PRKG1: variants seen among roughly 807,000 people sequenced by gnomAD.
PRKG1 encodes cGMP-dependent protein kinase 1.
In PRKG1, 35 loss-of-function variants were observed where a neutral mutation model predicts 88.1. That is an observed-to-expected ratio of 0.40 (90% CI 0.30 to 0.53). The LOEUF (loss-of-function observed/expected upper bound fraction) is 0.53. Among genes scored for constraint, PRKG1 ranks in the 20% least tolerant of loss-of-function variants. The probability of loss-of-function intolerance (pLI) is 0.59; values close to 1 mark genes in which losing one functional copy is unlikely to be tolerated. For synonymous variants in PRKG1, 303 were observed against 292.5 expected (o/e 1.04, Z -0.37); for missense variants, 540 against 839.8 (o/e 0.64, Z 4.41).
chr10:51,239,263 A>G (rs770853449), intron 2 of PRKG1, among the ~76,000 whole-genome samples: 14 of 152,234 alleles, frequency 9.2e-5, no homozygotes, highest in Non-Finnish European at 2.1e-4. Flanking sequence ...GTATTGGAAC[A>G]TACGAAAACA....
intron 2 of PRKG1, among the ~76,000 whole-genome samples, chr10:51,256,878 C>A (rs1208216572): frequency 6.6e-6 from 1 of 151,196 alleles, no homozygotes; most frequent in African/African-American, 2.4e-5. Context: ...AGGATTTTGA[C>A]ATAAAAAAAT....
intron 8 of PRKG1, among the ~76,000 whole-genome samples, chr10:52,161,302 T>A (rs2132687485): frequency 6.6e-6 from 1 of 152,164 alleles, no homozygotes; most frequent in South Asian, 2.1e-4. Flanking sequence ...ATGCTAAAGT[T>A]GATTTTTCAC....
chr10:52,279,069 A>T (rs925219358), intron 12 of PRKG1, among the ~76,000 whole-genome samples: 4 of 152,144 alleles, frequency 2.6e-5, no homozygotes, highest in African/African-American at 9.7e-5. Context: ...ATATACACAG[A>T]TGCTTACTCT....
At chr10:52,240,716 C>T (rs1388864717) in intron 9 of PRKG1, among the ~76,000 whole-genome samples, 1 of 151,988 alleles carries the variant, frequency 6.6e-6, no homozygotes, top group Non-Finnish European at 1.5e-5. Context: ...AAATTTTGCT[C>T]CATTTTATTC....
intron 2 of PRKG1, among the ~76,000 whole-genome samples, chr10:51,460,419 A>C (rs1451070518): frequency 6.6e-6 from 1 of 152,200 alleles, no homozygotes; most frequent in Non-Finnish European, 1.5e-5. Flanking sequence ...TAGAGCAAGA[A>C]TGTATTATAC....
intron 2 of PRKG1, among the ~76,000 whole-genome samples, chr10:51,224,041 A>G (rs942519548): frequency 6.6e-6 from 1 of 152,188 alleles, no homozygotes; most frequent in African/African-American, 2.4e-5. Context: ...GCATAAGGAC[A>G]CATAGACCAG....
intron 2 of PRKG1, among the ~76,000 whole-genome samples, chr10:51,435,001 G>A (rs902526353): frequency 2.0e-5 from 3 of 151,932 alleles, no homozygotes; most frequent in Non-Finnish European, 2.9e-5. Context: ...TGTGTGTGCC[G>A]AAGAACATTT....
At chr10:51,435,581 T>C (rs1228306500) in intron 2 of PRKG1, among the ~76,000 whole-genome samples, 2 of 152,024 alleles carry the variant, frequency 1.3e-5, no homozygotes, top group African/African-American at 4.8e-5. Context: ...TGGCCTCTTT[T>C]GTTTGAAATG....
intron 7 of PRKG1, among the ~76,000 whole-genome samples, chr10:52,132,229 A>C (rs1014346094): frequency 6.6e-6 from 1 of 152,152 alleles, no homozygotes; most frequent in Non-Finnish European, 1.5e-5. Context: ...TCAATGAATA[A>C]ATATTAATAT....
At chr10:51,086,129 G>A (rs1844241300) in intron 1 of PRKG1, among the ~76,000 whole-genome samples, 1 of 152,140 alleles carries the variant, frequency 6.6e-6, no homozygotes, top group Non-Finnish European at 1.5e-5. Context: ...GCACTGAATG[G>A]CATACAAATA....
intron 7 of PRKG1, among the ~76,000 whole-genome samples, chr10:52,119,819 C>T (rs1847773346): frequency 6.6e-6 from 1 of 151,916 alleles, no homozygotes; most frequent in Non-Finnish European, 1.5e-5. Flanking sequence ...AGGTTGTGGC[C>T]CCATATCTTT....
intron 3 of PRKG1, among the ~76,000 whole-genome samples, chr10:51,717,089 G>C (rs551413421): frequency 1.3e-5 from 2 of 152,306 alleles, no homozygotes; most frequent in East Asian, 3.9e-4. Flanking sequence ...GTGGGCAGCG[G>C]AATTCCAGCT....
intron 1 of PRKG1, among the ~76,000 whole-genome samples, chr10:51,063,769 GT>G (rs1372980488): frequency 1.3e-5 from 2 of 152,104 alleles, no homozygotes; most frequent in African/African-American, 4.8e-5. Context: ...GGAAACCAGT[GT>G]TATTTACCTG....
At chr10:51,594,077 G>C (rs1838380318) in intron 3 of PRKG1, among the ~76,000 whole-genome samples, 1 of 152,016 alleles carries the variant, frequency 6.6e-6, no homozygotes, top group Non-Finnish European at 1.5e-5. Context: ...TAGGCTGTGA[G>C]ACAGTAGTGT....
chr10:52,005,793 G>A (rs1027921551), intron 5 of PRKG1, among the ~76,000 whole-genome samples: 5 of 152,050 alleles, frequency 3.3e-5, no homozygotes, highest in Non-Finnish European at 5.9e-5. Context: ...CATACATGCT[G>A]GAGGTTCCAA....
chr10:51,207,336 A>G (rs1004975849), intron 2 of PRKG1, among the ~76,000 whole-genome samples: 1 of 152,148 alleles, frequency 6.6e-6, no homozygotes, highest in Non-Finnish European at 1.5e-5. Context: ...TCAAAGGACC[A>G]CTCTTATTCA....
At chr10:51,951,140 G>C (rs754950824) in intron 5 of PRKG1, among the ~76,000 whole-genome samples, 1 of 152,224 alleles carries the variant, frequency 6.6e-6, no homozygotes, top group Non-Finnish European at 1.5e-5. Flanking sequence ...TTTCATCCAG[G>C]ACCAGCAGTT....
rs183351053 is a variant in PRKG1, at chr10:52,129,089, A to G, written c.936-4751A>G. On this transcript the variant is annotated intron_variant, in intron 7 of 17. Coordinates refer to ENST00000373980, the MANE Select transcript of PRKG1 (RefSeq NM_006258.4). ...TACCCTGATCTGTAAAAAAGTACAA[A>G]TGAAAGTAAGTTCAGTTTTTAAAAA... 3.3e-3 allele frequency among the ~76,000 whole-genome samples: 496 copies of G among 152,278 alleles called. 2 individuals carry two copies. Among genetic ancestry groups the G allele is most frequent in the African/African-American group, 0.011 (467 of 41,556 alleles).
chr10:51,848,755 A>T (rs1469801853), intron 4 of PRKG1, among the ~76,000 whole-genome samples: 2 of 151,024 alleles, frequency 1.3e-5, no homozygotes, highest in Non-Finnish European at 1.5e-5. Context: ...GATCTTCCTG[A>T]CTCAGTCTTT....
Sources: gnomAD v4.1 joint callset for allele counts (sites outside exome capture counted in the v4.1 genomes callset) on GRCh38, gnomAD v4.1.1 for gene constraint, MANE v1.5 for transcripts, NCBI Gene and HGNC (gene_info 2026-07-23, HGNC 2026-07-21) for gene names.